RANBP2: variants seen among roughly 807,000 people sequenced by gnomAD.
The protein encoded by RANBP2 is RAN binding protein 2.
RANBP2 carries 57 observed loss-of-function variants against 303.6 expected under a neutral mutation model. The ratio of observed to expected loss-of-function variants is 0.19; its 90% CI spans 0.15 to 0.23. The LOEUF (loss-of-function observed/expected upper bound fraction) is 0.23. Ranked by LOEUF, RANBP2 falls within the 10% of genes least tolerant of loss-of-function variation. RANBP2 has a pLI of 1.00. For missense variants in RANBP2, 3,138 were observed against 3,780.8 expected (o/e 0.83, Z 4.46); for synonymous variants, 1,167 against 1,301.5 (o/e 0.90, Z 2.23).
the RANBP2 span, among the ~76,000 whole-genome samples, chr2:109,314,242 C>A: frequency 6.6e-6 from 1 of 152,168 alleles, no homozygotes; most frequent in Non-Finnish European, 1.5e-5. Flanking sequence ...TTAATGCTGC[C>A]TGCTTGAGAA....
At chr2:109,082,535 G>T in the RANBP2 span, among the ~76,000 whole-genome samples, 1 of 151,952 alleles carries the variant, frequency 6.6e-6, no homozygotes, top group Non-Finnish European at 1.5e-5. Flanking sequence ...TCCTGACCTC[G>T]TGATCCACCT....
the RANBP2 span, among the ~76,000 whole-genome samples, chr2:109,571,436 A>G: frequency 6.6e-6 from 1 of 152,224 alleles, no homozygotes; most frequent in South Asian, 2.1e-4. Context: ...TTTCTAGACT[A>G]TAAGCCTGTA....
the RANBP2 span, among the ~76,000 whole-genome samples, chr2:109,630,917 T>C: frequency 6.6e-6 from 1 of 151,926 alleles, no homozygotes; most frequent in African/African-American, 2.4e-5. Context: ...AATACAAAAA[T>C]TAACTGGGCG....
chr2:109,608,976 G>A, the RANBP2 span, among the ~76,000 whole-genome samples: 1 of 152,114 alleles, frequency 6.6e-6, no homozygotes, highest in Non-Finnish European at 1.5e-5. Context: ...TTGAAGAGAG[G>A]GACTCTATCC....
the RANBP2 span, among the ~76,000 whole-genome samples, chr2:109,374,712 G>A: frequency 6.6e-6 from 1 of 152,202 alleles, no homozygotes; most frequent in African/African-American, 2.4e-5. Flanking sequence ...CGTAAGCTTG[G>A]ATTGCATGAA....
At chr2:109,227,517 TG>T in the RANBP2 span, among the ~76,000 whole-genome samples, 1 of 152,250 alleles carries the variant, frequency 6.6e-6, no homozygotes, top group African/African-American at 2.4e-5. Context: ...GGGTGCTTTG[TG>T]TGGGCTCCCG....
the RANBP2 span, among the ~76,000 whole-genome samples, chr2:109,652,223 G>GTT: frequency 2.7e-3 from 392 of 144,480 alleles, 2 homozygotes; most frequent in African/African-American, 0.011. Context: ...AAGGATTTTT[G>GTT]TTTGTTTTTT....
chr2:109,166,459 G>A, the RANBP2 span, among the ~76,000 whole-genome samples: 59 of 134,278 alleles, frequency 4.4e-4, no homozygotes, highest in East Asian at 8.6e-4. Context: ...CCTGGTGACA[G>A]AAAAAAAAAA....
At chr2:109,519,636 A>G in the RANBP2 span, among the ~76,000 whole-genome samples, 2 of 152,194 alleles carry the variant, frequency 1.3e-5, no homozygotes, top group Non-Finnish European at 2.9e-5. Flanking sequence ...TTAAAAGAAG[A>G]GCAGACACGC....
the RANBP2 span, among the ~76,000 whole-genome samples, chr2:109,315,195 C>G: frequency 6.6e-6 from 1 of 152,172 alleles, no homozygotes; most frequent in Non-Finnish European, 1.5e-5. Context: ...CTCTGGGTCC[C>G]CCTTGTCAAG....
chr2:108,906,922 C>T, the RANBP2 span, among the ~76,000 whole-genome samples: 1 of 152,260 alleles, frequency 6.6e-6, no homozygotes, highest in Non-Finnish European at 1.5e-5. Context: ...CTATCAGGAC[C>T]AGGCTGGAGC....
the RANBP2 span, among the ~76,000 whole-genome samples, chr2:109,350,550 C>T: frequency 3.3e-5 from 5 of 152,210 alleles, no homozygotes; most frequent in Admixed American, 1.3e-4. Flanking sequence ...AGATTGGCCA[C>T]CCCTGCTACC....
the RANBP2 span, among the ~76,000 whole-genome samples, chr2:109,557,195 A>T: frequency 2.1e-4 from 32 of 152,150 alleles, no homozygotes; most frequent in African/African-American, 3.6e-4. Flanking sequence ...AAAAAATTAT[A>T]AAAAAAATCT....
the RANBP2 span, among the ~76,000 whole-genome samples, chr2:109,512,308 C>CTG: frequency 6.6e-6 from 1 of 152,096 alleles, no homozygotes; most frequent in Admixed American, 6.5e-5. Flanking sequence ...CTGCTGCTCC[C>CTG]AGGGTGCCCT....
At chr2:109,376,648 A>T in the RANBP2 span, among the ~76,000 whole-genome samples, 1 of 152,202 alleles carries the variant, frequency 6.6e-6, no homozygotes, top group East Asian at 1.9e-4. Flanking sequence ...CAAGGAACCA[A>T]CTGAAAAAGA....
chr2:109,395,298 T>G, the RANBP2 span, among the ~76,000 whole-genome samples: 1 of 152,180 alleles, frequency 6.6e-6, no homozygotes, highest in Admixed American at 6.5e-5. Context: ...CACTCTGGGC[T>G]TTCAGAACGA....
chr2:109,303,426 G>T, the RANBP2 span, among the ~76,000 whole-genome samples: 1 of 152,218 alleles, frequency 6.6e-6, no homozygotes, highest in Non-Finnish European at 1.5e-5. Context: ...TTTAATGTAG[G>T]ATGATCTTTG....
chr2:109,538,725 G>A, the RANBP2 span, among the ~76,000 whole-genome samples: 1 of 152,128 alleles, frequency 6.6e-6, no homozygotes, highest in Non-Finnish European at 1.5e-5. Flanking sequence ...TCGCCATGTT[G>A]GCCAGGCTGG....
the RANBP2 span, among the ~76,000 whole-genome samples, chr2:108,793,534 A>ATATACCC: frequency 6.6e-6 from 1 of 152,170 alleles, no homozygotes; most frequent in Non-Finnish European, 1.5e-5. Flanking sequence ...GAATCTGCAC[A>ATATACCC]TATACCCTAT....
Sources: allele counts gnomAD v4.1 joint callset (sites outside exome capture counted in the v4.1 genomes callset), GRCh38; gene constraint gnomAD v4.1.1; transcripts MANE v1.5; gene names NCBI Gene and HGNC (gene_info 2026-07-23, HGNC 2026-07-21).